The following SCN11A variants were observed in gnomAD, a reference collection of about 807,000 sequenced individuals.
The protein encoded by SCN11A is sodium channel protein type 11 subunit alpha.
SCN11A carries 122 observed loss-of-function variants against 162.2 expected under a neutral mutation model. The ratio of observed to expected loss-of-function variants is 0.75; its 90% CI spans 0.65 to 0.87. The LOEUF (loss-of-function observed/expected upper bound fraction) is 0.87, where lower values mean the gene tolerates loss of function less well. Among genes scored for constraint, SCN11A ranks in the 40% least tolerant of loss-of-function variants. The probability of loss-of-function intolerance (pLI) is 0.00; values close to 1 mark genes in which losing one functional copy is unlikely to be tolerated. For synonymous variants in SCN11A, 758 were observed against 751.5 expected (o/e 1.01, Z -0.14); for missense variants, 2,015 against 2,181.6 (o/e 0.92, Z 1.52).
intron 1 of SCN11A, among the ~76,000 whole-genome samples, chr3:39,036,906 C>T (rs115114407): frequency 0.014 from 2,192 of 152,290 alleles, 21 homozygotes; most frequent in Non-Finnish European, 0.018. Flanking sequence ...CTCTGGAGAA[C>T]AGTATAGAAG....
Position 38,987,746 on chromosome 3 carries a change from G to A in SCN11A, c.-279-27323C>T, listed in dbSNP as rs886575913. Among the ~76,000 whole-genome samples, 13 of 152,244 alleles carry A rather than the reference G, an allele frequency of 8.5e-5. No individual in the cohort carries two copies. The South Asian group carries it at 1.5e-3, about 17-fold the overall frequency. ...CAGGCTCTGTGAAGCCACAGAGCCC[G>A]GGGCTGCTCTCTCAGGGAGCCAAGG... On this transcript the variant is annotated intron_variant, in intron 2 of 29. Coordinates refer to ENST00000302328, the MANE Select transcript of SCN11A (RefSeq NM_001349253.2).
chr3:38,946,234 C>T (rs2066514676), intron 6 of SCN11A, among the ~76,000 whole-genome samples: 1 of 152,198 alleles, frequency 6.6e-6, no homozygotes, highest in Admixed American at 6.5e-5. Flanking sequence ...ACAGAGCTTA[C>T]ATGCCCCCTC....
intron 23 of SCN11A, among the ~76,000 whole-genome samples, chr3:38,878,823 T>A (rs749457676): frequency 6.6e-6 from 1 of 152,088 alleles, no homozygotes; most frequent in Non-Finnish European, 1.5e-5. Context: ...CCAACAACAT[T>A]ATGGTTCTCC....
At chr3:39,050,007 T>C (rs142810503) in intron 1 of SCN11A, among the ~76,000 whole-genome samples, 2 of 152,344 alleles carry the variant, frequency 1.3e-5, no homozygotes, top group South Asian at 2.1e-4. Context: ...AGTACCAGTA[T>C]ATTGTCCAGA....
At chr3:39,023,777 G>A (rs1428407329) in intron 2 of SCN11A, among the ~76,000 whole-genome samples, 2 of 151,978 alleles carry the variant, frequency 1.3e-5, no homozygotes, top group Non-Finnish European at 2.9e-5. Context: ...CAAGTAGCTG[G>A]GACTACAGGC....
At position 38,894,584 on chromosome 3, in the gene SCN11A, A is replaced by C; in HGVS notation, c.2784T>G (p.Phe928Leu). 1 of 1,613,924 alleles carries C rather than the reference A, an allele frequency of 6.2e-7. No individual in the cohort carries two copies. The change falls in exon 19 of 30, where the codon TTT becomes TTG. Residue 928 changes from phenylalanine (F) to leucine (L), a missense_variant. Transcript: ENST00000302328. Reference protein sequence around the residue: ...PLAEEEDDVEFSGEDNAQRIT... With the variant: ...PLAEEEDDVELSGEDNAQRIT... ...TGCGCTGTGCATTATCTTCACCAGA[A>C]AATTCAACGTCATCTTCCTCCTCCG...
chr3:38,968,468 G>A (rs1363846137), intron 2 of SCN11A, among the ~76,000 whole-genome samples: 2 of 152,202 alleles, frequency 1.3e-5, no homozygotes, highest in Non-Finnish European at 2.9e-5. Context: ...AAAATTAAAT[G>A]AGGCAGTATG....
intron 2 of SCN11A, among the ~76,000 whole-genome samples, chr3:39,012,455 TTTC>T (rs2031171070): frequency 7.6e-6 from 1 of 132,428 alleles, no homozygotes; most frequent in African/African-American, 4.2e-5. Flanking sequence ...TCTTTCTCTC[TTTC>T]TTTCTTTCTC....
chr3:39,040,594 C>A (rs779896318), intron 1 of SCN11A, among the ~76,000 whole-genome samples: 5 of 152,134 alleles, frequency 3.3e-5, no homozygotes, highest in Non-Finnish European at 7.4e-5. Flanking sequence ...GGAACCTCAG[C>A]AAGATACAGG....
At chr3:39,008,715 C>T (rs1418282550) in intron 2 of SCN11A, among the ~76,000 whole-genome samples, 1 of 151,906 alleles carries the variant, frequency 6.6e-6, no homozygotes, top group African/African-American at 2.4e-5. Flanking sequence ...ATGGTGAAAC[C>T]CCATCTCTAC....
At chr3:38,945,918 T>C (rs2066510279) in intron 6 of SCN11A, among the ~76,000 whole-genome samples, 1 of 152,142 alleles carries the variant, frequency 6.6e-6, no homozygotes, top group South Asian at 2.1e-4. Context: ...CTCTGTTAAA[T>C]CACTTAAATA....
At position 39,032,503 on chromosome 3, in the gene SCN11A, T is replaced by C. The variant is rs1006487951; in HGVS notation, c.-403A>G. ...AAAAACATGCGAAGCACTGGGACAATCTGAAAACAACAACAACAACAAAAA... is the reference window on the plus strand; with the variant it reads ...AAAAACATGCGAAGCACTGGGACAACCTGAAAACAACAACAACAACAAAAA... On this transcript the variant is annotated splice_region_variant and 5_prime_UTR_variant, in exon 2 of 30. Coordinates refer to ENST00000302328, the MANE Select transcript of SCN11A (RefSeq NM_001349253.2). Among the ~76,000 whole-genome samples, 15 of 151,492 alleles carry C rather than the reference T, an allele frequency of 9.9e-5. No homozygotes were observed. The highest frequency in any genetic ancestry group is 3.6e-4 in the African/African-American group (15 of 41,326).
At chr3:38,855,452 C>T (rs1329985533) in intron 28 of SCN11A, among the ~76,000 whole-genome samples, 1 of 152,156 alleles carries the variant, frequency 6.6e-6, no homozygotes, top group African/African-American at 2.4e-5. Context: ...AGTAGCTGAA[C>T]ACAAAAGACA....
At chr3:38,951,243 G>A (rs1463704518) in intron 4 of SCN11A, among the ~76,000 whole-genome samples, 1 of 152,194 alleles carries the variant, frequency 6.6e-6, no homozygotes, top group Non-Finnish European at 1.5e-5. Context: ...CGCCGCACTC[G>A]GAGCAGCCGG....
At chr3:39,000,802 C>T (rs975577176) in intron 2 of SCN11A, among the ~76,000 whole-genome samples, 1 of 152,098 alleles carries the variant, frequency 6.6e-6, no homozygotes, top group African/African-American at 2.4e-5. Context: ...TTTGGGAGGC[C>T]AAGGCGGGTG....
intron 2 of SCN11A, among the ~76,000 whole-genome samples, chr3:39,000,978 A>G (rs1246990899): frequency 1.3e-5 from 2 of 152,214 alleles, no homozygotes; most frequent in African/African-American, 2.4e-5. Context: ...CAGAGGTTGC[A>G]GTGAGCCATG....
intron 1 of SCN11A, among the ~76,000 whole-genome samples, chr3:39,042,573 A>T (rs2032073874): frequency 6.6e-6 from 1 of 152,206 alleles, no homozygotes; most frequent in Non-Finnish European, 1.5e-5. Context: ...AATATTAGCA[A>T]ACTATCCACC....
intron 6 of SCN11A, among the ~76,000 whole-genome samples, chr3:38,946,388 A>G (rs2066517011): frequency 6.6e-6 from 1 of 152,226 alleles, no homozygotes; most frequent in African/African-American, 2.4e-5. Context: ...AGTTTTAAAT[A>G]CTGTGTAGGT....
chr3:39,008,402 G>T lies in SCN11A; in HGVS notation c.-280+23978C>A, dbSNP rs954124683. On this transcript the variant is annotated intron_variant, in intron 2 of 29. Transcript: ENST00000302328. ...ATTCCACCAGAACAAGAAAGAGGAA[G>T]CCTTAGGATATGGGAAGAGTATATA... Among the ~76,000 whole-genome samples the T allele has an allele frequency of 2.0e-5, 3 of 152,106 alleles. No individual in the cohort carries two copies. In the East Asian group the frequency reaches 5.8e-4, roughly 29 times the overall value.
Sources: allele counts gnomAD v4.1 joint callset (sites outside exome capture counted in the v4.1 genomes callset), GRCh38; gene constraint gnomAD v4.1.1; transcripts MANE v1.5; gene names NCBI Gene and HGNC (gene_info 2026-07-23, HGNC 2026-07-21).